FMNL2: variants seen among roughly 807,000 people sequenced by gnomAD.
FMNL2 encodes formin like 2.
Under a neutral mutation model 130.2 loss-of-function variants are expected in FMNL2, and 51 were observed. That is an observed-to-expected ratio of 0.39 (90% CI 0.31 to 0.49). The LOEUF (loss-of-function observed/expected upper bound fraction) is 0.49, where lower values mean the gene tolerates loss of function less well. Among genes scored for constraint, FMNL2 ranks in the 20% least tolerant of loss-of-function variants. FMNL2 has a pLI of 0.85. For missense variants in FMNL2, 977 were observed against 1,316.2 expected (o/e 0.74, Z 3.99); for synonymous variants, 465 against 467.1 (o/e 1.00, Z 0.06).
intron 1 of FMNL2, among the ~76,000 whole-genome samples, chr2:152,405,584 T>C (rs898697817): frequency 2.6e-5 from 4 of 152,226 alleles, no homozygotes; most frequent in Admixed American, 6.5e-5. Context: ...TTTTCCTGTG[T>C]CTACCTTGCG....
chr2:152,436,221 A>G (rs1687755043), intron 1 of FMNL2, among the ~76,000 whole-genome samples: 1 of 151,642 alleles, frequency 6.6e-6, no homozygotes, highest in East Asian at 1.9e-4. Flanking sequence ...GCTGGAGTGC[A>G]GTGGCACTAT....
chr2:152,558,430 A>G (rs10193104), intron 4 of FMNL2, among the ~76,000 whole-genome samples: 112,073 of 152,154 alleles, frequency 0.74, 41,528 homozygotes, highest in East Asian at 0.81. Flanking sequence ...TGGAAAAAGT[A>G]CATTAAGCAA....
intron 1 of FMNL2, among the ~76,000 whole-genome samples, chr2:152,518,690 C>G (rs1579863636): frequency 6.6e-6 from 1 of 152,158 alleles, no homozygotes; most frequent in South Asian, 2.1e-4. Context: ...TAAGTCTAAC[C>G]AGTCAGTTTC....
At chr2:152,546,946 CTT>C (rs34129916) in intron 3 of FMNL2, among the ~76,000 whole-genome samples, 16 of 135,702 alleles carry the variant, frequency 1.2e-4, no homozygotes, top group Non-Finnish European at 9.4e-5. Flanking sequence ...TGCCCCCATT[CTT>C]TTTTTTTTTT....
intron 1 of FMNL2, among the ~76,000 whole-genome samples, chr2:152,446,137 A>T (rs1688322858): frequency 1.3e-5 from 2 of 152,192 alleles, no homozygotes; most frequent in Admixed American, 6.5e-5. Flanking sequence ...CCAAGCTCAT[A>T]CTTGGCATTA....
intron 1 of FMNL2, chr2:152,389,958 G>A (rs953449945): frequency 5.9e-5 from 77 of 1,312,240 alleles, no homozygotes; most frequent in Non-Finnish European, 7.2e-5. Context: ...CAGAGACCTC[G>A]GGGCCCCAGA....
chr2:152,422,289 C>T (rs1380712409), intron 1 of FMNL2, among the ~76,000 whole-genome samples: 2 of 152,136 alleles, frequency 1.3e-5, no homozygotes, highest in African/African-American at 2.4e-5. Flanking sequence ...CTTTAAGTCA[C>T]GGATGCCCAA....
At position 152,644,371 on chromosome 2, in the gene FMNL2, G is replaced by A. The variant is rs1315979563; in HGVS notation, c.3170-3425G>A. Among the ~76,000 whole-genome samples, 4 of 152,204 alleles carry A rather than the reference G, an allele frequency of 2.6e-5. No homozygotes were observed. The East Asian group carries it at 7.7e-4, about 29-fold the overall frequency. On this transcript the variant is annotated intron_variant, in intron 25 of 25. Transcript: ENST00000288670. ...TCAGGAATGCGAAGTGCTCTAAAGT[G>A]CAAAATGACTTGCAGAAGGAACTGT...
chr2:152,592,629 T>G (rs1025575027), intron 9 of FMNL2, among the ~76,000 whole-genome samples: 7 of 152,148 alleles, frequency 4.6e-5, no homozygotes, highest in African/African-American at 1.7e-4. Context: ...AATAAAAAAT[T>G]TGTTTGTTTA....
rs1459794294 is a variant in FMNL2 at position 152,617,209 on chromosome 2, C to A, written c.1314+17C>A. 1.2e-6 allele frequency: 2 copies of A among 1,611,700 alleles called. No individual in the cohort carries two copies. The highest frequency in any genetic ancestry group is 2.7e-5 in the African/African-American group (2 of 74,986). On this transcript the variant is annotated intron_variant, in intron 13 of 25. Transcript: ENST00000288670. ...GTCGTTCGGGTAAGTGTAATGATGA[C>A]AACTGCCCAGATGGGCACGGTAGGG...
chr2:152,338,834 C>CACACACACACAT (rs1553862422), intron 1 of FMNL2, among the ~76,000 whole-genome samples: 2,127 of 150,166 alleles, frequency 0.014, 23 homozygotes, highest in Non-Finnish European at 0.022. Context: ...CACACACACA[C>CACACACACACAT]ACACACACAC....
At chr2:152,562,672 T>G (rs1695596357) in intron 6 of FMNL2, among the ~76,000 whole-genome samples, 1 of 152,170 alleles carries the variant, frequency 6.6e-6, no homozygotes, top group Non-Finnish European at 1.5e-5. Flanking sequence ...AGGCCAAAGG[T>G]TGTGCAACCT....
chr2:152,582,345 G>A (rs1195403699), intron 9 of FMNL2, among the ~76,000 whole-genome samples: 1 of 152,196 alleles, frequency 6.6e-6, no homozygotes, highest in African/African-American at 2.4e-5. Flanking sequence ...GTGAGCCTCT[G>A]CATAGGCTGG....
rs73968082 is a variant in FMNL2, at chr2:152,562,839, C to G, written c.596+1804C>G. Among the ~76,000 whole-genome samples, 327 of 152,254 alleles carry G rather than the reference C, an allele frequency of 2.1e-3. 2 individuals carry two copies. The highest frequency in any genetic ancestry group is 7.6e-3 in the African/African-American group (314 of 41,524). On this transcript the variant is annotated intron_variant, in intron 6 of 25. Transcript: ENST00000288670. Reference sequence around the variant, plus strand: ...GGTACTGGAATGGAAATTCTCACCACTAGTTTAACTGTAATTATTTGTAAG... The same window carrying G: ...GGTACTGGAATGGAAATTCTCACCAGTAGTTTAACTGTAATTATTTGTAAG...
At chr2:152,638,909 G>A (rs1242700060) in intron 23 of FMNL2, among the ~76,000 whole-genome samples, 3 of 152,252 alleles carry the variant, frequency 2.0e-5, no homozygotes. Context: ...AGGTTGGGAA[G>A]TGGCTGGGGT....
intron 16 of FMNL2, among the ~76,000 whole-genome samples, chr2:152,626,049 AT>A (rs1185446732): frequency 6.6e-6 from 1 of 151,560 alleles, no homozygotes; most frequent in African/African-American, 2.4e-5. Context: ...TATTATTATT[AT>A]TTTTTGAGAC....
chr2:152,569,384 C>T (rs141977923), intron 6 of FMNL2, among the ~76,000 whole-genome samples: 4 of 152,212 alleles, frequency 2.6e-5, no homozygotes, highest in East Asian at 3.9e-4. Flanking sequence ...TTCCCTATAG[C>T]GCCTGCTGCT....
intron 21 of FMNL2, among the ~76,000 whole-genome samples, chr2:152,633,099 CTTT>C (rs767574977): frequency 2.8e-5 from 4 of 140,776 alleles, no homozygotes; most frequent in Non-Finnish European, 3.1e-5. Context: ...CTGTGCTCTT[CTTT>C]TTTTTTTTTT....
chr2:152,477,013 A>G (rs1360817173), intron 1 of FMNL2, among the ~76,000 whole-genome samples: 1 of 152,174 alleles, frequency 6.6e-6, no homozygotes, highest in African/African-American at 2.4e-5. Flanking sequence ...CAAGCTTCAA[A>G]GCAGGATTAT....
Sources: gnomAD v4.1 joint callset for allele counts (sites outside exome capture counted in the v4.1 genomes callset) on GRCh38, gnomAD v4.1.1 for gene constraint, MANE v1.5 for transcripts, NCBI Gene and HGNC (gene_info 2026-07-23, HGNC 2026-07-21) for gene names.